The following MTDH variants were observed in gnomAD, a reference collection of about 807,000 sequenced individuals.
The protein encoded by MTDH is metadherin.
A neutral mutation model predicts 72.7 loss-of-function variants in MTDH; 34 were observed. That is an observed-to-expected ratio of 0.47 (90% CI 0.36 to 0.62). The LOEUF (loss-of-function observed/expected upper bound fraction) is 0.62. MTDH is among the 20% of genes least tolerant of loss of function. The pLI, the probability that MTDH is intolerant of heterozygous loss-of-function variation, is 0.00. For synonymous variants in MTDH, 266 were observed against 268.9 expected (o/e 0.99, Z 0.10); for missense variants, 677 against 699.4 (o/e 0.97, Z 0.36).
At chr8:97,668,180 G>A (rs1251126237) in intron 2 of MTDH, among the ~76,000 whole-genome samples, 7 of 152,046 alleles carry the variant, frequency 4.6e-5, no homozygotes, top group Admixed American at 2.6e-4. Context: ...CCAGCTACTC[G>A]GGAGGCTGAG....
At chr8:97,691,490 C>A (rs751786158) in intron 6 of MTDH, among the ~76,000 whole-genome samples, 1 of 152,044 alleles carries the variant, frequency 6.6e-6, no homozygotes, top group Non-Finnish European at 1.5e-5. Context: ...TGTGGGTAGA[C>A]TTTTTGATTA....
chr8:97,683,522 A>G (rs989805429), intron 2 of MTDH, among the ~76,000 whole-genome samples: 1 of 151,304 alleles, frequency 6.6e-6, no homozygotes, highest in African/African-American at 2.4e-5. Flanking sequence ...CAGCCTCCCA[A>G]GTAGCTGGAA....
intron 1 of MTDH, among the ~76,000 whole-genome samples, chr8:97,654,154 T>C (rs1811877466): frequency 6.6e-6 from 1 of 152,210 alleles, no homozygotes; most frequent in South Asian, 2.1e-4. Context: ...AAAGGAAATA[T>C]CTCAGTATAT....
rs192674641 is a variant in MTDH at position 97,689,872 on chromosome 8, T to A, written c.811+769T>A. 1.4e-3 allele frequency among the ~76,000 whole-genome samples: 211 copies of A among 152,046 alleles called. 1 individual carries two copies. Among genetic ancestry groups the A allele is most frequent in the African/African-American group, 4.9e-3 (202 of 41,466 alleles). Reference sequence around the variant, plus strand: ...ACAGGCGCCCACCACCATACCTGGCTAATTTTTTTATTTTTTAGTAGAGAT... The same window carrying A: ...ACAGGCGCCCACCACCATACCTGGCAAATTTTTTTATTTTTTAGTAGAGAT... On this transcript the variant is annotated intron_variant, in intron 5 of 11. Transcript: ENST00000336273.
intron 2 of MTDH, among the ~76,000 whole-genome samples, chr8:97,667,490 A>T (rs190332905): frequency 2.0e-5 from 3 of 152,348 alleles, no homozygotes; most frequent in Non-Finnish European, 2.9e-5. Context: ...AAAAACACTT[A>T]TGCAATGGCT....
intron 1 of MTDH, among the ~76,000 whole-genome samples, chr8:97,658,966 AC>A (rs1812075774): frequency 6.6e-6 from 1 of 152,042 alleles, no homozygotes; most frequent in African/African-American, 2.4e-5. Flanking sequence ...ACACAGTGAA[AC>A]CCCGTCTCTA....
intron 2 of MTDH, among the ~76,000 whole-genome samples, chr8:97,682,233 TATATATATATATATATATATA>T: frequency 6.0e-4 from 1 of 1,670 alleles, no homozygotes; most frequent in African/African-American, 2.2e-3. Flanking sequence ...AATTACTTTA[TATATATATATATATATATATA>T]TATATATATA....
intron 11 of MTDH, among the ~76,000 whole-genome samples, chr8:97,723,993 C>G (rs940999578): frequency 2.0e-5 from 3 of 151,956 alleles, no homozygotes; most frequent in Non-Finnish European, 4.4e-5. Flanking sequence ...TCTGTAATCG[C>G]AGCTACTCGG....
intron 1 of MTDH, among the ~76,000 whole-genome samples, chr8:97,649,729 G>A (rs912958775): frequency 3.2e-4 from 49 of 150,828 alleles, no homozygotes; most frequent in African/African-American, 1.1e-3. Context: ...TCAGCCCCTC[G>A]AGTGGCTGGG....
intron 2 of MTDH, among the ~76,000 whole-genome samples, chr8:97,672,111 A>G (rs1430626568): frequency 6.6e-6 from 1 of 152,220 alleles, no homozygotes; most frequent in Non-Finnish European, 1.5e-5. Context: ...GTTTAAAACC[A>G]TAGGTTGGCA....
At chr8:97,707,449 CTTTTT>C (rs35528230) in intron 8 of MTDH, among the ~76,000 whole-genome samples, 1 of 80,204 alleles carries the variant, frequency 1.2e-5, no homozygotes, top group Non-Finnish European at 2.1e-5. Flanking sequence ...CATGCCTGGC[CTTTTT>C]TTTTTTTTTT....
chr8:97,708,298 T>C (rs996456998), intron 8 of MTDH, among the ~76,000 whole-genome samples: 1 of 101,584 alleles, frequency 9.8e-6, no homozygotes. Context: ...TTTTTTTTTT[T>C]TGAGATGGAG....
At chr8:97,718,773 T>G (rs1814984499) in intron 9 of MTDH, among the ~76,000 whole-genome samples, 1 of 152,076 alleles carries the variant, frequency 6.6e-6, no homozygotes, top group Admixed American at 6.5e-5. Flanking sequence ...CACAGTCTAC[T>G]GCAGCCTCCA....
chr8:97,677,024 A>AAAAAAAAAT (rs1812877457), intron 2 of MTDH, among the ~76,000 whole-genome samples: 7 of 141,746 alleles, frequency 4.9e-5, no homozygotes, highest in Admixed American at 1.4e-4. Context: ...AAAAAAAAAA[A>AAAAAAAAAT]ATACAAAAAT....
At chr8:97,709,555 T>C (rs1343218355) in intron 8 of MTDH, among the ~76,000 whole-genome samples, 1 of 152,226 alleles carries the variant, frequency 6.6e-6, no homozygotes, top group African/African-American at 2.4e-5. Flanking sequence ...AGATGTGATA[T>C]GTTTATACAA....
In MTDH at chr8:97,691,033, G is replaced by A. The variant is rs1305705011; in HGVS notation, c.893G>A (p.Ser298Asn). 3.7e-6 allele frequency: 6 copies of A among 1,613,992 alleles called. No individual in the cohort carries two copies. The highest frequency in any genetic ancestry group is 4.2e-6 in the Non-Finnish European group (5 of 1,179,968). Residue 298 changes from serine to asparagine, a missense_variant, in exon 6 of 12, where the codon AGT becomes AAT. Coordinates refer to ENST00000336273, the MANE Select transcript of MTDH (RefSeq NM_178812.4). ...EKSVKLSSQISAGEEKWNSVS... is the reference protein window; with the variant it reads ...EKSVKLSSQINAGEEKWNSVS... The stretch of plus-strand genomic sequence containing the variant: ...TCTGTAAAACTCTCCTCACAGATCA[G>A]TGCAGGTGAGGAGAAGTGGAACTCC...
At chr8:97,668,363 A>G (rs1414276876) in intron 2 of MTDH, among the ~76,000 whole-genome samples, 1 of 152,186 alleles carries the variant, frequency 6.6e-6, no homozygotes, top group Non-Finnish European at 1.5e-5. Context: ...CAGTGCTTGC[A>G]TGTTACAAAA....
intron 2 of MTDH, among the ~76,000 whole-genome samples, chr8:97,681,398 T>C (rs1226120515): frequency 3.3e-5 from 5 of 151,430 alleles, no homozygotes; most frequent in African/African-American, 1.2e-4. Flanking sequence ...GTAGGAAATA[T>C]CTGCAGCGGT....
chr8:97,688,989 C>A, intron 4 of MTDH, 49 bp from the exon 5 acceptor site: 3 of 901,214 alleles, frequency 3.3e-6, no homozygotes, highest in East Asian at 2.6e-5. Flanking sequence ...ATTTAATGTG[C>A]ATAGTGCCCT....
Sources: gnomAD v4.1 joint callset for allele counts (sites outside exome capture counted in the v4.1 genomes callset) on GRCh38, gnomAD v4.1.1 for gene constraint, MANE v1.5 for transcripts, NCBI Gene and HGNC (gene_info 2026-07-23, HGNC 2026-07-21) for gene names.